LCN12: variants seen among roughly 807,000 people sequenced by gnomAD.
LCN12 encodes epididymal-specific lipocalin-12.
LCN12 carries 15 observed loss-of-function variants against 23.7 expected under a neutral mutation model. The ratio of observed to expected loss-of-function variants is 0.63; its 90% confidence interval spans 0.42 to 0.97. The LOEUF is 0.97. Among genes scored for constraint, LCN12 ranks in the 50% least tolerant of loss-of-function variants. The probability of loss-of-function intolerance (pLI) is 0.00; values close to 1 mark genes in which losing one functional copy is unlikely to be tolerated. For synonymous variants in LCN12, 116 were observed against 111.5 expected (o/e 1.04, Z -0.25); for missense variants, 219 against 249.6 (o/e 0.88, Z 0.83).
chr9:136,951,540 C>G (rs1197068540), upstream of LCN12: 2 of 152,494 alleles, frequency 1.3e-5, no homozygotes, highest in Non-Finnish European at 2.9e-5. Context: ...TAGGCATGAG[C>G]CTCTGTGCCT....
chr9:136,949,815 T>C (rs1300680192), upstream of LCN12: 3 of 152,292 alleles, frequency 2.0e-5, no homozygotes, highest in Admixed American at 6.5e-5. Context: ...CACGGTGGGC[T>C]GGGGGTCCAG....
chr9:136,954,817 G>A, intron 5 of LCN12: 5 of 1,283,840 alleles, frequency 3.9e-6, no homozygotes, highest in Non-Finnish European at 5.1e-6. Flanking sequence ...TCTTCTTGTG[G>A]GAGGGCGAGG....
At chr9:136,953,105 G>A in intron 2 of LCN12, 77 bp downstream of exon 2, 1 of 1,576,764 alleles carries the variant, frequency 6.3e-7, no homozygotes, top group Non-Finnish European at 8.7e-7. Flanking sequence ...TGGCTCAGGT[G>A]CGCCATGGGC....
At chr9:136,949,782 G>A (rs906134437), upstream of LCN12, 25 of 152,532 alleles carry the variant, frequency 1.6e-4, no homozygotes, top group African/African-American at 4.8e-4. Context: ...GGGTCAATGG[G>A]AGAGGCCCCA....
intron 2 of LCN12, chr9:136,953,458 G>A (rs756095245): frequency 1.0e-4 from 48 of 462,218 alleles, no homozygotes; most frequent in Non-Finnish European, 1.5e-4. Context: ...TTTAGGGGCC[G>A]GGCGCAGTGG....
At position 136,953,772 on chromosome 9, in the gene LCN12, C is replaced by T. The variant is rs1232324908; in HGVS notation, c.324C>T (p.His108=). Residue 108 remains histidine (H), a synonymous_variant, in exon 3 of 6, where the codon CAC becomes CAT. Transcript: ENST00000371633. ...AAQPGQFTVD[H]GVEPGADREE... ...AGCCTGGGCAGTTCACTGTGGACCACGGTGTGGGTAAGCCAGTCACAGGAG... is the reference window on the plus strand; with the variant it reads ...AGCCTGGGCAGTTCACTGTGGACCATGGTGTGGGTAAGCCAGTCACAGGAG... The T allele has an allele frequency of 1.0e-5, 16 of 1,605,950 alleles. 1 individual carries two copies. The highest frequency in any genetic ancestry group is 1.6e-4 in the Middle Eastern group (1 of 6,070).
chr9:136,949,821 T>TCC (rs1851105820), upstream of LCN12, among the ~76,000 whole-genome samples: 1 of 151,830 alleles, frequency 6.6e-6, no homozygotes, highest in East Asian at 1.9e-4. Context: ...GGGCTGGGGG[T>TCC]CCAGGGTGCT....
upstream of LCN12, among the ~76,000 whole-genome samples, chr9:136,949,298 C>T (rs1437776217): frequency 1.3e-5 from 2 of 152,230 alleles, no homozygotes. Flanking sequence ...TGCCCAAGAC[C>T]TGCGGGGTCA....
chr9:136,952,489 C>G (rs1405234852), intron 1 of LCN12, 48 bp downstream of exon 1: 4 of 1,326,040 alleles, frequency 3.0e-6, no homozygotes, highest in Non-Finnish European at 4.3e-6. Flanking sequence ...GGTCTGAGTG[C>G]AGGGAGAGGC....
At chr9:136,952,062 G>T (rs1056165804), upstream of LCN12, among the ~76,000 whole-genome samples, 5 of 152,072 alleles carry the variant, frequency 3.3e-5, no homozygotes, top group South Asian at 1.0e-3. Flanking sequence ...ATGAGAAGAA[G>T]AGGTGGAAGG....
Position 136,953,135 on chromosome 9 carries a change from C to T in LCN12, c.251+107C>T, listed in dbSNP as rs985089585. On this transcript the variant is annotated intron_variant, in intron 2 of 5. Transcript: ENST00000371633. ...ATGGGCCCTGTCCCAGCACAGGCAG[C>T]TTCATGACTCTGCCTGCCAATGACC... 10 of 1,439,262 alleles carry T rather than the reference C, an allele frequency of 6.9e-6. No individual in the cohort carries two copies. In the South Asian group the frequency reaches 1.2e-4, roughly 18 times the overall value. The allele number at this position is 1,439,262 out of a possible 1,614,324, so 89.2% of individuals were successfully genotyped here.
At chr9:136,951,833 T>C (rs1328613104), upstream of LCN12, among the ~76,000 whole-genome samples, 2 of 145,770 alleles carry the variant, frequency 1.4e-5, no homozygotes, top group Non-Finnish European at 3.1e-5. Flanking sequence ...CCAGGCAGGG[T>C]GGGGGTAGGG....
At position 136,954,849 on chromosome 9, in the gene LCN12, C is replaced by T. The variant is rs1851285159; in HGVS notation, c.551-522C>T. ...GAGGTCAGCCTGAGTCCCTCCTCTT[C>T]CTGGAGGGATGCCCACCGTGCCCTT... On this transcript the variant is annotated intron_variant, in intron 5 of 5. Transcript: ENST00000371633. 4.0e-6 allele frequency: 5 copies of T among 1,257,412 alleles called. No individual in the cohort carries two copies. The South Asian group carries it at 6.6e-5, about 17-fold the overall frequency. 77.9% of individuals were successfully genotyped at this position (1,257,412 alleles called of 1,614,324 possible). A position where few individuals can be genotyped will look rare whatever the true frequency, so the allele number is the denominator to read the frequency against.
At chr9:136,955,506 G>A (rs1047261267), downstream of LCN12, 2 of 1,249,424 alleles carry the variant, frequency 1.6e-6, no homozygotes, top group African/African-American at 1.5e-5. Flanking sequence ...GAGCCCCAGA[G>A]TGTGACCACT....
rs919629835 is a variant in LCN12 at position 136,952,834 on chromosome 9, G to A, written c.115-58G>A. On this transcript the variant is annotated intron_variant, in intron 1 of 5. Transcript: ENST00000371633. The stretch of plus-strand genomic sequence containing the variant: ...CCAGGGAGGGCGGGAGGGGGCTCCT[G>A]ACCCTGCCCACTGCCACCCCTGCCC... 1.6e-4 allele frequency: 248 copies of A among 1,582,934 alleles called. 1 individual carries two copies. The highest frequency in any genetic ancestry group is 6.7e-5 in the Admixed American group (4 of 59,416).
At chr9:136,954,124 C>T (rs774392160) in intron 4 of LCN12, 30 bp from the exon 5 acceptor site, 2 of 1,530,034 alleles carry the variant, frequency 1.3e-6, no homozygotes, top group Non-Finnish European at 1.8e-6. Flanking sequence ...GCCAAGTGCA[C>T]AGACCCATGC....
chr9:136,953,896 C>T lies in LCN12; in HGVS notation c.380C>T (p.Thr127Ile), dbSNP rs757242111. ...ACCCGGGTGGTGGACAGCGACTACA[C>T]CCAGTTCGCCCTGATGCTGTCCCGC... ...EETRVVDSDYTQFALMLSRRH... is the reference protein window; with the variant it reads ...EETRVVDSDYIQFALMLSRRH... Residue 127 changes from threonine to isoleucine, a missense_variant, in exon 4 of 6, where the codon ACC becomes ATC. By Grantham distance (89) the Thr-to-Ile change is moderately conservative. Transcript: ENST00000371633. 16 of 1,610,520 alleles carry T rather than the reference C, an allele frequency of 9.9e-6. No individual in the cohort carries two copies. In the Admixed American group the frequency reaches 1.2e-4, roughly 12 times the overall value.
chr9:136,953,739 G>A lies in LCN12; in HGVS notation c.291G>A (p.Pro97=), dbSNP rs528969007. The A allele has an allele frequency of 2.4e-5, 39 of 1,605,430 alleles. No homozygotes were observed. The African/African-American group carries it at 2.5e-4, about 10-fold the overall frequency. Residue 97 remains proline (P), a synonymous_variant, in exon 3 of 6, where the codon CCG becomes CCA. Transcript: ENST00000371633. ...HCDTWSYVLI[P]AAQPGQFTVD... is the part of the protein sequence containing the mutation. ...ACACATGGTCTTATGTGCTGATACC[G>A]GCAGCCCAGCCTGGGCAGTTCACTG...
chr9:136,955,704 A>T (rs1368414968), downstream of LCN12, among the ~76,000 whole-genome samples: 1 of 152,212 alleles, frequency 6.6e-6, no homozygotes, highest in Non-Finnish European at 1.5e-5. Flanking sequence ...TGCAGGTTGT[A>T]CAAGGTCGTT....
Sources: gnomAD v4.1 joint callset for allele counts (sites outside exome capture counted in the v4.1 genomes callset) on GRCh38, gnomAD v4.1.1 for gene constraint, MANE v1.5 for transcripts, NCBI Gene and HGNC (gene_info 2026-07-23, HGNC 2026-07-21) for gene names.